Variants in CSMD1 observed in about 807,000 individuals in gnomAD.
CSMD1 encodes the protein CUB and sushi domain-containing protein 1.
A neutral mutation model predicts 417.5 loss-of-function variants in CSMD1; 213 were observed. That is an observed-to-expected ratio of 0.51 (90% CI 0.46 to 0.57). The LOEUF (loss-of-function observed/expected upper bound fraction) is 0.57. Ranked by LOEUF, CSMD1 falls within the 20% of genes least tolerant of loss-of-function variation. The pLI is 0.00. For missense variants in CSMD1, 6,923 were observed against 4,529.7 expected, an observed-to-expected ratio of 1.53 and a Z score of -15.17; for synonymous variants, 2,862 against 1,736.8, an observed-to-expected ratio of 1.65 and a Z score of -16.11.
chr8:4,598,893 T>G (rs1177446267), intron 2 of CSMD1, among the ~76,000 whole-genome samples: 1 of 151,568 alleles, frequency 6.6e-6, no homozygotes, highest in African/African-American at 2.4e-5. Context: ...GAATGACTTT[T>G]TTCCTAGAGT....
At chr8:4,374,152 TA>T (rs1399960196) in intron 3 of CSMD1, among the ~76,000 whole-genome samples, 1 of 152,168 alleles carries the variant, frequency 6.6e-6, no homozygotes, top group Non-Finnish European at 1.5e-5. Flanking sequence ...AGTACGTCCT[TA>T]CCCTCCCCTT....
At chr8:4,884,298 G>C (rs71502988) in intron 1 of CSMD1, among the ~76,000 whole-genome samples, 1 of 151,530 alleles carries the variant, frequency 6.6e-6, no homozygotes. Context: ...TAGATGATTC[G>C]CCCAATTTAT....
chr8:3,950,208 G>C (rs6984122), intron 5 of CSMD1, among the ~76,000 whole-genome samples: 32,211 of 152,100 alleles, frequency 0.21, 3,702 homozygotes, highest in East Asian at 0.37. Context: ...AATACTGACT[G>C]TGAAGTTTCT....
chr8:3,324,194 GTT>G (rs1806354232), intron 23 of CSMD1, among the ~76,000 whole-genome samples: 1 of 88,194 alleles, frequency 1.1e-5, no homozygotes, highest in Non-Finnish European at 2.1e-5. Context: ...ACCTTTCATT[GTT>G]GTTAAAATAG....
chr8:4,302,137 A>T (rs1194511993), intron 3 of CSMD1, among the ~76,000 whole-genome samples: 3 of 152,208 alleles, frequency 2.0e-5, no homozygotes, highest in East Asian at 1.9e-4. Context: ...TTGCTAACAA[A>T]AAAACAGTTT....
In CSMD1 at chr8:3,305,949, G is replaced by T. The variant is rs148015789; in HGVS notation, c.3950+1746C>A. Reference sequence around the variant, plus strand: ...CCTGCCTTGGCCTCCCAAGGTGCTGGGATTACAGGCATGAGCCACTGCACC... The same window carrying T: ...CCTGCCTTGGCCTCCCAAGGTGCTGTGATTACAGGCATGAGCCACTGCACC... On this transcript the variant is annotated intron_variant, in intron 25 of 69. Coordinates refer to ENST00000635120, the MANE Select transcript of CSMD1 (RefSeq NM_033225.6). Among the ~76,000 whole-genome samples the T allele has an allele frequency of 2.9e-4, 44 of 152,184 alleles. No homozygotes were observed. The East Asian group carries it at 7.2e-3, about 25-fold the overall frequency.
At chr8:3,793,781 C>A (rs762399741) in intron 5 of CSMD1, among the ~76,000 whole-genome samples, 2 of 152,096 alleles carry the variant, frequency 1.3e-5, no homozygotes, top group African/African-American at 4.8e-5. Flanking sequence ...CGACAGAGAC[C>A]TTGCCTTCTA....
intron 10 of CSMD1, among the ~76,000 whole-genome samples, chr8:3,565,547 C>G (rs922636476): frequency 2.0e-5 from 3 of 152,134 alleles, no homozygotes; most frequent in Non-Finnish European, 2.9e-5. Flanking sequence ...TCTATGTTAA[C>G]CTTTTAATAC....
At chr8:4,958,055 T>A (rs905842823) in intron 1 of CSMD1, among the ~76,000 whole-genome samples, 6 of 152,202 alleles carry the variant, frequency 3.9e-5, no homozygotes, top group Non-Finnish European at 5.9e-5. Context: ...ATTCATTTGA[T>A]AAGAGGGAGC....
chr8:4,925,779 CCT>C (rs1421746970), intron 1 of CSMD1, among the ~76,000 whole-genome samples: 1 of 152,114 alleles, frequency 6.6e-6, no homozygotes, highest in Non-Finnish European at 1.5e-5. Context: ...AAACTCCTGA[CCT>C]CGTGATCCGC....
At chr8:4,928,397 G>C (rs898911120) in intron 1 of CSMD1, among the ~76,000 whole-genome samples, 16 of 152,080 alleles carry the variant, frequency 1.1e-4, no homozygotes, top group African/African-American at 3.4e-4. Flanking sequence ...GCAAGAGCTG[G>C]GGCTTTCCCT....
At chr8:3,071,822 T>C (rs1292906546) in intron 49 of CSMD1, among the ~76,000 whole-genome samples, 4 of 152,184 alleles carry the variant, frequency 2.6e-5, no homozygotes, top group African/African-American at 7.2e-5. Context: ...CATATATTTA[T>C]AATTTGGTCA....
At chr8:4,645,443 G>GAAAAAA (rs1803457663) in intron 1 of CSMD1, among the ~76,000 whole-genome samples, 7 of 12,036 alleles carry the variant, frequency 5.8e-4, no homozygotes, top group African/African-American at 9.9e-4. Context: ...TAGTGCAGGG[G>GAAAAAA]CAAAAAAAAA....
At chr8:4,424,468 C>T (rs1002641367) in intron 2 of CSMD1, among the ~76,000 whole-genome samples, 4 of 151,788 alleles carry the variant, frequency 2.6e-5, no homozygotes, top group African/African-American at 9.7e-5. Flanking sequence ...CAGAGGAATG[C>T]AAATTAAAAC....
At chr8:4,882,564 C>T (rs1803482132) in intron 1 of CSMD1, among the ~76,000 whole-genome samples, 1 of 151,798 alleles carries the variant, frequency 6.6e-6, no homozygotes. Flanking sequence ...GGCAACCCCA[C>T]TTTCCCTAAG....
chr8:4,829,818 A>C (rs957910249), intron 1 of CSMD1, among the ~76,000 whole-genome samples: 3 of 152,070 alleles, frequency 2.0e-5, no homozygotes, highest in Non-Finnish European at 4.4e-5. Context: ...GAACAGCAAG[A>C]AGCAGTCAGT....
At chr8:4,034,341 G>T (rs1053702846) in intron 3 of CSMD1, among the ~76,000 whole-genome samples, 1 of 152,160 alleles carries the variant, frequency 6.6e-6, no homozygotes, top group Admixed American at 6.5e-5. Context: ...AGTGTATTCA[G>T]TTCTAGTTTT....
chr8:3,326,248 T>G (rs1585003866), intron 23 of CSMD1, among the ~76,000 whole-genome samples: 1 of 152,226 alleles, frequency 6.6e-6, no homozygotes, highest in African/African-American at 2.4e-5. Flanking sequence ...TGTAAGAGAC[T>G]GGAATATATG....
At chr8:3,423,495 C>T (rs1394463501) in intron 12 of CSMD1, among the ~76,000 whole-genome samples, 1 of 152,092 alleles carries the variant, frequency 6.6e-6, no homozygotes, top group Non-Finnish European at 1.5e-5. Context: ...CATTTGGTTC[C>T]CTGTATCAGT....
Sources: allele counts gnomAD v4.1 joint callset (sites outside exome capture counted in the v4.1 genomes callset), GRCh38; gene constraint gnomAD v4.1.1; transcripts MANE v1.5; gene names NCBI Gene and HGNC (gene_info 2026-07-23, HGNC 2026-07-21).